Variants in KIAA1217 observed in about 807,000 individuals in gnomAD.
The protein encoded by KIAA1217 is KIAA1217, also known as sickle tail protein homolog.
KIAA1217 carries 88 observed loss-of-function variants against 163.9 expected under a neutral mutation model. The ratio of observed to expected loss-of-function variants is 0.54; its 90% CI spans 0.45 to 0.64. KIAA1217 has a LOEUF of 0.64. KIAA1217 is among the 30% of genes least tolerant of loss of function. The probability of loss-of-function intolerance (pLI) is 0.00; values close to 1 mark genes in which losing one functional copy is unlikely to be tolerated. For synonymous variants in KIAA1217, 903 were observed against 923.1 expected (o/e 0.98, Z 0.39); for missense variants, 2,372 against 2,475.0 (o/e 0.96, Z 0.88).
At chr10:24,483,412 C>T (rs1477518038) in intron 6 of KIAA1217, among the ~76,000 whole-genome samples, 2 of 152,174 alleles carry the variant, frequency 1.3e-5, no homozygotes, top group East Asian at 1.9e-4. Flanking sequence ...CCCGTTAAAA[C>T]GTGAGACCTT....
At chr10:24,203,665 A>T (rs2067391592) in intron 2 of KIAA1217, among the ~76,000 whole-genome samples, 1 of 151,818 alleles carries the variant, frequency 6.6e-6, no homozygotes, top group Non-Finnish European at 1.5e-5. Context: ...TACTCTATTG[A>T]AAGGGTTGAT....
chr10:24,449,190 C>A (rs1306554296), intron 5 of KIAA1217, among the ~76,000 whole-genome samples: 1 of 152,142 alleles, frequency 6.6e-6, no homozygotes, highest in African/African-American at 2.4e-5. Flanking sequence ...TTTCTTGTTC[C>A]TTCTCTGCTT....
intron 2 of KIAA1217, among the ~76,000 whole-genome samples, chr10:24,338,533 A>G (rs915917938): frequency 1.3e-5 from 2 of 152,238 alleles, no homozygotes; most frequent in Non-Finnish European, 2.9e-5. Flanking sequence ...TTCAAGCTGG[A>G]CTGAATTTAA....
At chr10:24,445,003 A>C (rs749119614) in intron 5 of KIAA1217, among the ~76,000 whole-genome samples, 25 of 152,232 alleles carry the variant, frequency 1.6e-4, no homozygotes, top group Non-Finnish European at 3.2e-4. Context: ...TTCTTGGTGC[A>C]ATCTATCAGG....
At chr10:24,087,908 C>CCTGGCTAGCCAGTTTTCCTGGCACCATT (rs1564685396) in intron 2 of KIAA1217, among the ~76,000 whole-genome samples, 30 of 132,250 alleles carry the variant, frequency 2.3e-4, no homozygotes, top group Middle Eastern at 4.0e-3. Flanking sequence ...CAGATCAGAG[C>CCTGGCTAGCCAGTTTTCCTGGCACCATT]TGTGGTGGCC....
At chr10:23,917,348 G>A (rs1345167110) in intron 1 of KIAA1217, among the ~76,000 whole-genome samples, 1 of 152,180 alleles carries the variant, frequency 6.6e-6, no homozygotes, top group Non-Finnish European at 1.5e-5. Flanking sequence ...TTCTAGGGCA[G>A]TAGGGCATCT....
intron 2 of KIAA1217, among the ~76,000 whole-genome samples, chr10:24,327,211 G>A (rs1249094118): frequency 1.3e-5 from 2 of 152,168 alleles, no homozygotes; most frequent in Non-Finnish European, 2.9e-5. Flanking sequence ...CATTTCATGA[G>A]CACTGCCTTC....
chr10:24,051,831 T>G (rs1311877594), intron 2 of KIAA1217, among the ~76,000 whole-genome samples: 1 of 152,320 alleles, frequency 6.6e-6, no homozygotes, highest in East Asian at 1.9e-4. Context: ...TTGTTTGAGT[T>G]CCTTGTAGAT....
intron 2 of KIAA1217, among the ~76,000 whole-genome samples, chr10:24,041,459 G>A (rs1056209828): frequency 3.3e-5 from 5 of 152,154 alleles, no homozygotes; most frequent in East Asian, 3.9e-4. Flanking sequence ...AATAAACTCC[G>A]AACTCTTTAA....
At chr10:24,387,190 A>C (rs1156300560) in intron 3 of KIAA1217, among the ~76,000 whole-genome samples, 1 of 152,226 alleles carries the variant, frequency 6.6e-6, no homozygotes, top group Non-Finnish European at 1.5e-5. Flanking sequence ...GCAGCACATC[A>C]AAAGGCTTAT....
chr10:23,950,195 G>C (rs1844265094), intron 1 of KIAA1217, among the ~76,000 whole-genome samples: 1 of 152,138 alleles, frequency 6.6e-6, no homozygotes, highest in African/African-American at 2.4e-5. Context: ...CAGTGATCCA[G>C]CCTCTGCCTA....
chr10:23,915,912 G>A (rs964555677), intron 1 of KIAA1217, among the ~76,000 whole-genome samples: 11 of 152,100 alleles, frequency 7.2e-5, no homozygotes, highest in Admixed American at 2.0e-4. Flanking sequence ...ATGGGGGAAG[G>A]GAGAAGCACA....
chr10:24,228,274 A>G (rs1170247085), intron 2 of KIAA1217, among the ~76,000 whole-genome samples: 1 of 152,008 alleles, frequency 6.6e-6, no homozygotes, highest in African/African-American at 2.4e-5. Context: ...AACAACAACA[A>G]CAAAAAATCA....
chr10:23,918,609 C>T lies in KIAA1217; in HGVS notation c.-320-88616C>T, dbSNP rs112351649. ...TCATAGACCTGCTGTCGGCATCAGG[C>T]TGTTACCAGCTCCTGCTAAGACAAA... On this transcript the variant is annotated intron_variant, in intron 1 of 18. Coordinates refer to the KIAA1217 transcript ENST00000376462. Among the ~76,000 whole-genome samples, 1,401 of 152,160 alleles carry T rather than the reference C, an allele frequency of 9.2e-3. 24 individuals are homozygous for T. Among genetic ancestry groups the T allele is most frequent in the African/African-American group, 0.032 (1,345 of 41,502 alleles).
At chr10:24,309,350 GCACACACA>G (rs760597469) in intron 2 of KIAA1217, among the ~76,000 whole-genome samples, 4 of 132,342 alleles carry the variant, frequency 3.0e-5, no homozygotes, top group East Asian at 4.4e-4. Context: ...ACGCGCGCGC[GCACACACA>G]CACACACACA....
intron 2 of KIAA1217, among the ~76,000 whole-genome samples, chr10:24,114,179 G>T (rs2062961767): frequency 6.6e-6 from 1 of 152,156 alleles, no homozygotes; most frequent in East Asian, 1.9e-4. Flanking sequence ...GGGAGTCTGA[G>T]GAACGTCCTT....
chr10:23,723,424 A>G (rs572431901), intron 1 of KIAA1217, among the ~76,000 whole-genome samples: 1 of 152,244 alleles, frequency 6.6e-6, no homozygotes, highest in African/African-American at 2.4e-5. Flanking sequence ...AAATCACCTT[A>G]TTAGAGATTT....
intron 13 of KIAA1217, among the ~76,000 whole-genome samples, chr10:24,527,309 A>C (rs2072342533): frequency 6.7e-6 from 1 of 149,410 alleles, no homozygotes; most frequent in East Asian, 2.0e-4. Flanking sequence ...TCAATTTAAA[A>C]AAATTTTAGG....
intron 2 of KIAA1217, among the ~76,000 whole-genome samples, chr10:24,067,504 G>T (rs1564659559): frequency 6.6e-6 from 1 of 152,184 alleles, no homozygotes; most frequent in Non-Finnish European, 1.5e-5. Context: ...TCCTCTGGAA[G>T]TTTTGTCTCA....
Sources: allele counts gnomAD v4.1 joint callset (sites outside exome capture counted in the v4.1 genomes callset), GRCh38; gene constraint gnomAD v4.1.1; transcripts MANE v1.5; gene names NCBI Gene and HGNC (gene_info 2026-07-23, HGNC 2026-07-21).